The following UGGT2 variants were observed in gnomAD, a reference collection of about 807,000 sequenced individuals.
UGGT2 encodes the protein UDP-glucose glycoprotein glucosyltransferase 2.
In UGGT2, 180 loss-of-function variants were observed where a neutral mutation model predicts 192.1. The observed-to-expected ratio is 0.94, with a 90% CI of 0.83 to 1.06. The LOEUF is 1.06. Ranked by LOEUF, UGGT2 falls within the 50% of genes least tolerant of loss-of-function variation. The pLI is 0.00. For missense variants in UGGT2, 1,849 were observed against 1,795.7 expected (o/e 1.03, Z -0.54); for synonymous variants, 580 against 591.0 (o/e 0.98, Z 0.27).
intron 1 of UGGT2, among the ~76,000 whole-genome samples, chr13:96,041,459 C>G (rs1385586463): frequency 1.3e-5 from 2 of 152,160 alleles, no homozygotes; most frequent in Non-Finnish European, 2.9e-5. Context: ...CCAGCTGAAC[C>G]TTGTAACAAT....
intron 20 of UGGT2, among the ~76,000 whole-genome samples, chr13:95,917,953 C>A (rs9525081): frequency 6.6e-6 from 1 of 151,974 alleles, no homozygotes; most frequent in South Asian, 2.1e-4. Context: ...ACCTTAACAC[C>A]CCATTAACAG....
At chr13:95,813,557 A>G (rs2139750313) in intron 38 of UGGT2, among the ~76,000 whole-genome samples, 1 of 152,308 alleles carries the variant, frequency 6.6e-6, no homozygotes, top group South Asian at 2.1e-4. Context: ...AACTTTTAAA[A>G]GGGAAGCAGG....
intron 5 of UGGT2, among the ~76,000 whole-genome samples, chr13:96,011,384 A>C (rs1226428822): frequency 6.6e-6 from 1 of 152,028 alleles, no homozygotes; most frequent in Non-Finnish European, 1.5e-5. Flanking sequence ...TCTGAAAACT[A>C]AACAAAAAAA....
intron 4 of UGGT2, among the ~76,000 whole-genome samples, chr13:96,022,083 A>G (rs1429832371): frequency 1.3e-5 from 2 of 152,088 alleles, no homozygotes; most frequent in Non-Finnish European, 2.9e-5. Context: ...TAAAGCAATA[A>G]ATATTAAAAC....
At chr13:95,962,093 A>G (rs2050411693) in intron 12 of UGGT2, among the ~76,000 whole-genome samples, 1 of 152,212 alleles carries the variant, frequency 6.6e-6, no homozygotes, top group East Asian at 1.9e-4. Flanking sequence ...AGCAGTGCCA[A>G]TAAAGAAGTG....
chr13:95,885,657 C>G (rs1356901848), intron 26 of UGGT2, among the ~76,000 whole-genome samples: 2 of 152,148 alleles, frequency 1.3e-5, no homozygotes, highest in African/African-American at 4.8e-5. Flanking sequence ...GTGGTGATCA[C>G]TGGGAGCCAT....
intron 10 of UGGT2, among the ~76,000 whole-genome samples, chr13:95,976,949 AAAGGATTCCCT>A (rs2050956673): frequency 6.6e-6 from 1 of 152,190 alleles, no homozygotes; most frequent in Non-Finnish European, 1.5e-5. Flanking sequence ...AGCAATGAGG[AAAGGATTCCCT>A]ATTTAATAAA....
chr13:95,818,679 A>G (rs910469842), intron 38 of UGGT2, among the ~76,000 whole-genome samples: 1 of 152,108 alleles, frequency 6.6e-6, no homozygotes, highest in Admixed American at 6.5e-5. Flanking sequence ...TGTAGCTTGA[A>G]CAGGGCAGGA....
intron 10 of UGGT2, among the ~76,000 whole-genome samples, chr13:95,974,413 C>T (rs1399832712): frequency 6.6e-6 from 1 of 152,142 alleles, no homozygotes; most frequent in African/African-American, 2.4e-5. Context: ...TAGTGGAGCT[C>T]AATTGTAAGT....
chr13:95,811,069 C>T (rs148780310), intron 38 of UGGT2, among the ~76,000 whole-genome samples: 5 of 152,174 alleles, frequency 3.3e-5, no homozygotes, highest in African/African-American at 1.2e-4. Flanking sequence ...TACTTCTCAG[C>T]CACTATGATA....
intron 12 of UGGT2, among the ~76,000 whole-genome samples, chr13:95,950,465 C>G (rs2050022702): frequency 6.6e-6 from 1 of 151,094 alleles, no homozygotes; most frequent in South Asian, 2.1e-4. Flanking sequence ...AGCAAGTGAG[C>G]ATCTGGCACT....
intron 12 of UGGT2, among the ~76,000 whole-genome samples, chr13:95,949,708 C>A (rs1232149611): frequency 6.6e-6 from 1 of 152,014 alleles, no homozygotes; most frequent in Non-Finnish European, 1.5e-5. Context: ...TTTCATATCC[C>A]AACGTAAAAT....
intron 38 of UGGT2, among the ~76,000 whole-genome samples, chr13:95,824,581 G>A (rs1228340985): frequency 6.6e-6 from 1 of 151,952 alleles, no homozygotes; most frequent in Non-Finnish European, 1.5e-5. Context: ...GTCTATTGTT[G>A]AACCTTTCCA....
At chr13:95,949,299 T>G in intron 13 of UGGT2, 36 bp downstream of exon 13, 1 of 1,415,930 alleles carries the variant, frequency 7.1e-7, no homozygotes, top group Middle Eastern at 2.7e-4. Flanking sequence ...GATATCTTTA[T>G]AAGATATATA....
chr13:95,909,944 C>A (rs2048433055), intron 20 of UGGT2, among the ~76,000 whole-genome samples: 1 of 152,028 alleles, frequency 6.6e-6, no homozygotes, highest in African/African-American at 2.4e-5. Flanking sequence ...ATTCAACATT[C>A]TTAAAGGAAA....
intron 29 of UGGT2, among the ~76,000 whole-genome samples, chr13:95,869,349 C>T (rs1425018731): frequency 3.3e-5 from 5 of 152,088 alleles, no homozygotes; most frequent in South Asian, 2.1e-4. Context: ...AATAAACATA[C>T]GTGTGCATGT....
chr13:95,818,497 G>C (rs1185447679), intron 38 of UGGT2, among the ~76,000 whole-genome samples: 4 of 152,124 alleles, frequency 2.6e-5, no homozygotes. Flanking sequence ...CAAAATTGTG[G>C]TTAAGTACTG....
chr13:95,946,999 T>A, intron 15 of UGGT2, 38 bp downstream of exon 15: 1 of 1,492,564 alleles, frequency 6.7e-7, no homozygotes, highest in Non-Finnish European at 8.9e-7. Context: ...GCAAGAATTT[T>A]ACCTTCTAAA....
In UGGT2 at chr13:95,911,481, C is replaced by G. The variant is rs558809122; in HGVS notation, c.2296-8421G>C. Among the ~76,000 whole-genome samples the G allele has an allele frequency of 8.5e-5, 13 of 152,258 alleles. No individual in the cohort carries two copies. In the East Asian group the frequency reaches 2.5e-3, roughly 29 times the overall value. On this transcript the variant is annotated intron_variant, in intron 20 of 38. Transcript: ENST00000376747. The stretch of plus-strand genomic sequence containing the variant: ...CCTCTACGCAAATAAACTAGAAAAT[C>G]TAGAAGAAATGGATAAATTCCTGGA...
Sources: allele counts gnomAD v4.1 joint callset (sites outside exome capture counted in the v4.1 genomes callset), GRCh38; gene constraint gnomAD v4.1.1; transcripts MANE v1.5; gene names NCBI Gene and HGNC (gene_info 2026-07-23, HGNC 2026-07-21).